ANKS1B: variants seen among roughly 807,000 people sequenced by gnomAD.
ANKS1B encodes the protein ankyrin repeat and sterile alpha motif domain containing 1B.
A neutral mutation model predicts 148.3 loss-of-function variants in ANKS1B; 36 were observed. The observed-to-expected ratio is 0.24, with a 90% CI of 0.19 to 0.32. The LOEUF (loss-of-function observed/expected upper bound fraction) is 0.32. ANKS1B is among the 10% of genes least tolerant of loss of function. The pLI is 1.00. For missense variants in ANKS1B, 1,157 were observed against 1,542.6 expected (o/e 0.75, Z 4.19); for synonymous variants, 542 against 560.8 (o/e 0.97, Z 0.47).
intron 14 of ANKS1B, among the ~76,000 whole-genome samples, chr12:99,172,352 G>A (rs538771798): frequency 5.3e-4 from 81 of 152,282 alleles, no homozygotes; most frequent in Non-Finnish European, 1.0e-3. Flanking sequence ...TCCCCTGGAG[G>A]ATGTGGGAGA....
intron 11 of ANKS1B, among the ~76,000 whole-genome samples, chr12:99,429,979 T>C (rs1044109032): frequency 7.2e-5 from 9 of 125,768 alleles, no homozygotes; most frequent in Non-Finnish European, 3.4e-5. Context: ...AAATAAAAAA[T>C]AAAAATAAAA....
intron 1 of ANKS1B, among the ~76,000 whole-genome samples, chr12:99,959,777 G>A (rs1210633373): frequency 2.0e-5 from 3 of 152,144 alleles, no homozygotes; most frequent in Non-Finnish European, 4.4e-5. Flanking sequence ...ATTCAAGGAA[G>A]GAGTTAAGAA....
At chr12:99,411,749 CA>C (rs1186683183) in intron 11 of ANKS1B, among the ~76,000 whole-genome samples, 4 of 152,130 alleles carry the variant, frequency 2.6e-5, no homozygotes, top group Non-Finnish European at 4.4e-5. Context: ...ACTATATTCC[CA>C]TTGATCTATT....
chr12:99,125,243 A>T (rs2063991454), intron 15 of ANKS1B, among the ~76,000 whole-genome samples: 1 of 152,218 alleles, frequency 6.6e-6, no homozygotes, highest in Non-Finnish European at 1.5e-5. Context: ...TCATTCATTC[A>T]TTCCAAAAAG....
chr12:99,472,373 C>G (rs1349992478), intron 10 of ANKS1B, among the ~76,000 whole-genome samples: 1 of 152,090 alleles, frequency 6.6e-6, no homozygotes, highest in Non-Finnish European at 1.5e-5. Flanking sequence ...CTCTGTCTCC[C>G]TACAGAGCGT....
chr12:99,051,171 C>T (rs1036454777), intron 17 of ANKS1B, among the ~76,000 whole-genome samples: 5 of 152,128 alleles, frequency 3.3e-5, no homozygotes, highest in Non-Finnish European at 5.9e-5. Flanking sequence ...CAGGTACCCC[C>T]GGCACTGGGG....
intron 21 of ANKS1B, among the ~76,000 whole-genome samples, chr12:98,799,696 A>T (rs2098983948): frequency 6.6e-6 from 1 of 152,158 alleles, no homozygotes; most frequent in South Asian, 2.1e-4. Flanking sequence ...ATACTGTATC[A>T]TCCTGGTACA....
chr12:98,851,383 G>A (rs1748989429), intron 17 of ANKS1B, among the ~76,000 whole-genome samples: 1 of 152,180 alleles, frequency 6.6e-6, no homozygotes, highest in African/African-American at 2.4e-5. Flanking sequence ...GGGCTGAGAA[G>A]GAGATTTCCA....
At chr12:99,066,293 C>A (rs776803266) in intron 16 of ANKS1B, among the ~76,000 whole-genome samples, 9 of 151,992 alleles carry the variant, frequency 5.9e-5, no homozygotes, top group Non-Finnish European at 1.2e-4. Flanking sequence ...TGCACTCCAG[C>A]CTGGGTGACA....
At chr12:99,881,180 C>T (rs534751075) in intron 1 of ANKS1B, among the ~76,000 whole-genome samples, 2 of 152,306 alleles carry the variant, frequency 1.3e-5, no homozygotes, top group South Asian at 4.1e-4. Context: ...CAGAGAAGTC[C>T]TCTAGCTCTG....
chr12:99,186,016 G>C (rs1395090668), intron 14 of ANKS1B, among the ~76,000 whole-genome samples: 1 of 152,194 alleles, frequency 6.6e-6, no homozygotes, highest in African/African-American at 2.4e-5. Context: ...TGCCAGCACA[G>C]CAGTCTGAAG....
chr12:98,810,232 A>G (rs1442996153), intron 19 of ANKS1B, among the ~76,000 whole-genome samples: 1 of 152,222 alleles, frequency 6.6e-6, no homozygotes, highest in Non-Finnish European at 1.5e-5. Flanking sequence ...TGGTCTACAG[A>G]GATTGCACAC....
chr12:99,335,654 C>A (rs151079452), intron 12 of ANKS1B, among the ~76,000 whole-genome samples: 5 of 152,226 alleles, frequency 3.3e-5, no homozygotes, highest in Admixed American at 1.3e-4. Flanking sequence ...CCAGTCCCAT[C>A]CATATTGTTG....
At position 99,044,675 on chromosome 12, in the gene ANKS1B, C is replaced by T. The variant is rs144692112; in HGVS notation, c.2778+8482G>A. Among the ~76,000 whole-genome samples the T allele has an allele frequency of 5.6e-3, 849 of 152,184 alleles. 16 individuals are homozygous for T. The highest frequency in any genetic ancestry group is 0.03 in the Admixed American group (461 of 15,282). On this transcript the variant is annotated intron_variant, in intron 17 of 26. Coordinates refer to ENST00000683438, the MANE Select transcript of ANKS1B (RefSeq NM_001352186.2). ...GCTGTGAAAATAGGCTCCAAGGGACCAGCTCCCAGCGTAACTCTGGGGGAG... is the reference window on the plus strand; with the variant it reads ...GCTGTGAAAATAGGCTCCAAGGGACTAGCTCCCAGCGTAACTCTGGGGGAG...
chr12:99,916,713 T>C (rs182057848), intron 1 of ANKS1B, among the ~76,000 whole-genome samples: 5 of 152,126 alleles, frequency 3.3e-5, no homozygotes, highest in African/African-American at 7.2e-5. Context: ...GAATGCTTCC[T>C]GCAAAAAAAC....
downstream of ANKS1B, among the ~76,000 whole-genome samples, chr12:98,739,460 T>G (rs1201860166): frequency 2.0e-5 from 3 of 152,236 alleles, no homozygotes; most frequent in Non-Finnish European, 2.9e-5. Flanking sequence ...ACCTGGCCAC[T>G]GCCCAACCTG....
intron 8 of ANKS1B, among the ~76,000 whole-genome samples, chr12:99,755,130 A>G (rs2061449305): frequency 6.6e-6 from 1 of 151,580 alleles, no homozygotes; most frequent in African/African-American, 2.4e-5. Flanking sequence ...GAAAAGAGGG[A>G]AGATTCAAAT....
At chr12:99,245,951 T>C (rs11109773) in intron 13 of ANKS1B, among the ~76,000 whole-genome samples, 54,570 of 151,932 alleles carry the variant, frequency 0.36, 9,974 homozygotes, top group East Asian at 0.56. Context: ...AGCAAAATAC[T>C]GAGCTTTTTC....
At chr12:99,899,431 C>G (rs572534788) in intron 1 of ANKS1B, among the ~76,000 whole-genome samples, 3 of 152,072 alleles carry the variant, frequency 2.0e-5, no homozygotes, top group Admixed American at 2.0e-4. Context: ...AAATCTAATA[C>G]GTATTGCATT....
Sources: gnomAD v4.1 joint callset for allele counts (sites outside exome capture counted in the v4.1 genomes callset) on GRCh38, gnomAD v4.1.1 for gene constraint, MANE v1.5 for transcripts, NCBI Gene and HGNC (gene_info 2026-07-23, HGNC 2026-07-21) for gene names.